NRDC: variants seen among roughly 807,000 people sequenced by gnomAD.
The protein encoded by NRDC is nardilysin.
Under a neutral mutation model 147.1 loss-of-function variants are expected in NRDC, and 54 were observed. The observed-to-expected ratio is 0.37, with a 90% CI of 0.29 to 0.46. The LOEUF (loss-of-function observed/expected upper bound fraction) is 0.46, where lower values mean the gene tolerates loss of function less well. NRDC is among the 20% of genes least tolerant of loss of function. The pLI, the probability that NRDC is intolerant of heterozygous loss-of-function variation, is 1.00. For missense variants in NRDC, 1,082 were observed against 1,370.6 expected, an observed-to-expected ratio of 0.79 and a Z score of 3.33; for synonymous variants, 440 against 482.1, an observed-to-expected ratio of 0.91 and a Z score of 1.14.
chr1:51,837,213 A>G (rs1007326449), intron 2 of NRDC, among the ~76,000 whole-genome samples: 5 of 151,970 alleles, frequency 3.3e-5, no homozygotes, highest in Admixed American at 6.5e-5. Flanking sequence ...GTAAATGTCA[A>G]TTTTACAGGG....
chr1:51,791,630 A>C lies in NRDC; in HGVS notation c.2908T>G (p.Ser970Ala), dbSNP rs754841844. 1.2e-6 allele frequency: 2 copies of C among 1,613,770 alleles called. No individual in the cohort carries two copies. Among genetic ancestry groups the C allele is most frequent in the Non-Finnish European group, 1.7e-6 (2 of 1,179,834 alleles). ...GTGACAGAAAATCCTAGAATCCCGG[A>C]TGTGTTCCTACAGGTAGGGTAGACA... ...YHVYPTCRNT[S>A]GILGFSVTVG... is the part of the protein sequence containing the mutation. Residue 970 changes from serine to alanine, a missense_variant, in exon 27 of 31, where the codon TCC (serine) becomes GCC (alanine). Physicochemically the swap from Ser to Ala is moderately conservative, Grantham distance 99. Around this residue, in one of 3 missense-constraint regions of NRDC, gnomAD observed 635 missense variants for 923.8 expected, o/e 0.69. Coordinates refer to ENST00000352171, the MANE Select transcript of NRDC (RefSeq NM_001101662.2).
At chr1:51,836,398 C>A in intron 2 of NRDC, 186 bp from the exon 3 acceptor site, 1 of 1,613,770 alleles carries the variant, frequency 6.2e-7, no homozygotes, top group South Asian at 1.1e-5. Flanking sequence ...CCCTGCTGCT[C>A]CTCCGCTTGC....
intron 1 of NRDC, among the ~76,000 whole-genome samples, chr1:51,841,835 T>C (rs1007886648): frequency 9.2e-5 from 14 of 151,982 alleles, no homozygotes; most frequent in African/African-American, 1.9e-4. Context: ...AAGGTACACT[T>C]AAAAAGTCAA....
At chr1:51,789,938 T>G in intron 29 of NRDC, 2 of 407,130 alleles carry the variant, frequency 4.9e-6, no homozygotes, top group Non-Finnish European at 9.0e-6. Flanking sequence ...ATCCCCTTAG[T>G]GTCACCTCCC....
At chr1:51,796,390 C>T (rs527239585) in intron 22 of NRDC, among the ~76,000 whole-genome samples, 2 of 151,930 alleles carry the variant, frequency 1.3e-5, no homozygotes, top group African/African-American at 4.8e-5. Context: ...AAGATGCCCA[C>T]CACCACACCT....
Position 51,827,930 on chromosome 1 carries a change from T to C in NRDC, c.867-61A>G, listed in dbSNP as rs1680516383. The C allele has an allele frequency of 4.9e-5, 62 of 1,273,526 alleles. No individual in the cohort carries two copies. The South Asian group carries it at 6.2e-4, about 13-fold the overall frequency. 78.9% of individuals were successfully genotyped at this position (1,273,526 alleles called of 1,614,324 possible). A position where few individuals can be genotyped will look rare whatever the true frequency, so the allele number is the denominator to read the frequency against. ...TTCACTTTCATCAATCAACATCTATTATTTTAATTAAGAAACTTACTAAGT... is the reference window on the plus strand; with the variant it reads ...TTCACTTTCATCAATCAACATCTATCATTTTAATTAAGAAACTTACTAAGT... On this transcript the variant is annotated intron_variant, in intron 4 of 30. Coordinates refer to ENST00000352171, the MANE Select transcript of NRDC (RefSeq NM_001101662.2).
chr1:51,845,388 T>C (rs1388280245), intron 1 of NRDC, among the ~76,000 whole-genome samples: 2 of 152,076 alleles, frequency 1.3e-5, no homozygotes, highest in South Asian at 2.1e-4. Context: ...AGGTCGGGAG[T>C]TAAAGACCAG....
At chr1:51,837,700 A>C in intron 2 of NRDC, 1 of 1,153,170 alleles carries the variant, frequency 8.7e-7, no homozygotes, top group Non-Finnish European at 1.2e-6. Flanking sequence ...AACTGAATTA[A>C]GAAAGCCCTG....
chr1:51,857,548 A>T (rs1380521204), intron 1 of NRDC, among the ~76,000 whole-genome samples: 2 of 152,194 alleles, frequency 1.3e-5, no homozygotes, highest in Non-Finnish European at 2.9e-5. Context: ...CACGATGTCC[A>T]TTGCTTTCTG....
At chr1:51,875,491 T>C (rs1683278192) in intron 1 of NRDC, among the ~76,000 whole-genome samples, 1 of 152,248 alleles carries the variant, frequency 6.6e-6, no homozygotes. Context: ...AATTTATCAA[T>C]GTATTTCATT....
chr1:51,798,067 G>C, intron 22 of NRDC, 182 bp downstream of exon 22: 1 of 561,748 alleles, frequency 1.8e-6, no homozygotes, highest in Non-Finnish European at 3.1e-6. Flanking sequence ...ATCATTCCCA[G>C]CCCAGCAGTC....
intron 29 of NRDC, 120 bp from the exon 30 acceptor site, chr1:51,789,777 A>G (rs1444189194): frequency 2.9e-6 from 2 of 701,456 alleles, no homozygotes; most frequent in East Asian, 2.7e-5. Flanking sequence ...TATTCTTCCT[A>G]TTCTCAGGTT....
rs1307347307 is a variant in NRDC at position 51,809,378 on chromosome 1, G to A, written c.1927C>T (p.Leu643=). 1.2e-6 allele frequency: 2 copies of A among 1,613,320 alleles called. No individual in the cohort carries two copies. Among genetic ancestry groups the A allele is most frequent in the South Asian group, 1.1e-5 (1 of 91,078 alleles). The change falls in exon 17 of 31, where the codon CTG becomes TTG. Residue 643 remains leucine, a synonymous_variant. Transcript: ENST00000352171. Reference sequence around the variant, plus strand: ...TTTAATTCGAAATTACTATTCCACAGTTCAGCCCAAGAGTTTTCAATATCT... The same window carrying A: ...TTTAATTCGAAATTACTATTCCACAATTCAGCCCAAGAGTTTTCAATATCT... ...IEDIENSWAE[L]WNSNFELNPD...
chr1:51,837,021 A>G (rs945191773), intron 2 of NRDC, among the ~76,000 whole-genome samples: 3 of 151,160 alleles, frequency 2.0e-5, no homozygotes, highest in Non-Finnish European at 4.4e-5. Flanking sequence ...GACTCAAACA[A>G]TCCTCCCACC....
chr1:51,827,874 A>G lies in NRDC; in HGVS notation c.867-5T>C. The G allele has an allele frequency of 6.2e-7, 1 of 1,613,170 alleles. No homozygotes were observed. The highest frequency in any genetic ancestry group is 8.5e-7 in the Non-Finnish European group (1 of 1,179,380). On this transcript the variant is annotated splice_polypyrimidine_tract_variant and splice_region_variant and intron_variant, in intron 4 of 30. Transcript: ENST00000352171. ...TGGATGAAGAACTGCGCCCATCTGAACAAAAAACAAAACTGGCATTTCCGT... is the reference window on the plus strand; with the variant it reads ...TGGATGAAGAACTGCGCCCATCTGAGCAAAAAACAAAACTGGCATTTCCGT...
intron 11 of NRDC, among the ~76,000 whole-genome samples, chr1:51,815,621 T>C (rs1184420963): frequency 6.6e-6 from 1 of 152,232 alleles, no homozygotes; most frequent in East Asian, 1.9e-4. Context: ...ATTAGTTTAT[T>C]ATTTTATAGT....
intron 14 of NRDC, among the ~76,000 whole-genome samples, chr1:51,813,300 C>T (rs1679814726): frequency 1.3e-5 from 2 of 152,186 alleles, no homozygotes; most frequent in Non-Finnish European, 2.9e-5. Context: ...CCCAGATACA[C>T]AGACTCTTAA....
chr1:51,809,264 T>G, intron 17 of NRDC, 51 bp downstream of exon 17: 1 of 1,080,556 alleles, frequency 9.3e-7, no homozygotes. Context: ...GCTATACAGG[T>G]GCCTATTAGC....
At chr1:51,801,335 G>A (rs1679185335) in intron 20 of NRDC, 1 of 151,976 alleles carries the variant, frequency 6.6e-6, no homozygotes, top group Admixed American at 6.6e-5. Context: ...TTAAGAGACA[G>A]AGCCTCGCTA....
Sources: gnomAD v4.1 joint callset for allele counts (sites outside exome capture counted in the v4.1 genomes callset) on GRCh38, gnomAD v4.1.1 for gene constraint, gnomAD v4.1.1 regional missense constraint, MANE v1.5 for transcripts, NCBI Gene and HGNC (gene_info 2026-07-23, HGNC 2026-07-21) for gene names.